The following BBS9 variants were observed in gnomAD, a reference collection of about 807,000 sequenced individuals.
BBS9 encodes protein PTHB1.
In BBS9, 89 loss-of-function variants were observed where a neutral mutation model predicts 117.7. The observed-to-expected ratio is 0.76, with a 90% CI of 0.64 to 0.90. The LOEUF is 0.90. Among genes scored for constraint, BBS9 ranks in the 40% least tolerant of loss-of-function variants. The probability of loss-of-function intolerance (pLI) is 0.00; values close to 1 mark genes in which losing one functional copy is unlikely to be tolerated. For synonymous variants in BBS9, 379 were observed against 370.9 expected (o/e 1.02, Z -0.25); for missense variants, 982 against 1,042.2 (o/e 0.94, Z 0.80).
intron 5 of BBS9, among the ~76,000 whole-genome samples, chr7:33,217,333 T>G (rs1386279620): frequency 6.6e-6 from 1 of 152,176 alleles, no homozygotes; most frequent in Non-Finnish European, 1.5e-5. Flanking sequence ...TATTAATCAT[T>G]TGCTATAGCA....
intron 5 of BBS9, among the ~76,000 whole-genome samples, chr7:33,248,771 G>A (rs1291552519): frequency 6.6e-6 from 1 of 152,122 alleles, no homozygotes; most frequent in Non-Finnish European, 1.5e-5. Flanking sequence ...TGAACAAAAT[G>A]AGCGGAAGTT....
intron 21 of BBS9, among the ~76,000 whole-genome samples, chr7:33,622,744 T>C (rs1210422419): frequency 6.6e-6 from 1 of 152,176 alleles, no homozygotes; most frequent in Non-Finnish European, 1.5e-5. Flanking sequence ...GATATACTAA[T>C]AGACCAATGC....
intron 1 of BBS9, among the ~76,000 whole-genome samples, chr7:33,132,220 G>A (rs1312500726): frequency 6.6e-6 from 1 of 152,148 alleles, no homozygotes; most frequent in Non-Finnish European, 1.5e-5. Context: ...TTTGTTTAGG[G>A]TTCTGGAGTA....
At chr7:33,341,267 A>G (rs1014664843) in intron 11 of BBS9, among the ~76,000 whole-genome samples, 1 of 152,110 alleles carries the variant, frequency 6.6e-6, no homozygotes, top group African/African-American at 2.4e-5. Context: ...TTTTTTTCAA[A>G]CTTTCTTAGT....
chr7:33,413,474 G>A (rs150281451), intron 19 of BBS9, among the ~76,000 whole-genome samples: 154 of 152,058 alleles, frequency 1.0e-3, no homozygotes, highest in African/African-American at 3.5e-3. Flanking sequence ...GAGTTGATGC[G>A]GCATAGAAAA....
At chr7:33,169,549 C>G (rs912744522) in intron 4 of BBS9, among the ~76,000 whole-genome samples, 4 of 149,766 alleles carry the variant, frequency 2.7e-5, no homozygotes, top group Admixed American at 6.6e-5. Flanking sequence ...ATTTGCATTT[C>G]TCTGATGGCC....
chr7:33,603,352 A>G (rs1228847701), intron 21 of BBS9, among the ~76,000 whole-genome samples: 1 of 152,012 alleles, frequency 6.6e-6, no homozygotes, highest in East Asian at 1.9e-4. Context: ...CCACCACCGC[A>G]TATACCCTTT....
chr7:33,325,813 C>A (rs1421880500), intron 9 of BBS9, among the ~76,000 whole-genome samples: 1 of 152,128 alleles, frequency 6.6e-6, no homozygotes. Flanking sequence ...CTCTTGCTTT[C>A]TTCCCTTACC....
At chr7:33,535,110 A>G (rs1851174896) in intron 21 of BBS9, among the ~76,000 whole-genome samples, 1 of 152,242 alleles carries the variant, frequency 6.6e-6, no homozygotes, top group Admixed American at 6.5e-5. Flanking sequence ...TGGAGACAGC[A>G]TAGCATGATC....
At chr7:33,587,773 G>A (rs1861176985) in intron 21 of BBS9, among the ~76,000 whole-genome samples, 1 of 152,028 alleles carries the variant, frequency 6.6e-6, no homozygotes, top group Non-Finnish European at 1.5e-5. Context: ...ACCTTCTCTG[G>A]AATTAGAGAT....
intron 19 of BBS9, 105 bp from the exon 20 acceptor site, chr7:33,505,358 G>A: frequency 9.3e-7 from 1 of 1,071,308 alleles, no homozygotes. Flanking sequence ...GGAAGACAAA[G>A]TTCATCAAGT....
chr7:33,354,828 T>C (rs1819336292), intron 15 of BBS9, among the ~76,000 whole-genome samples: 1 of 152,020 alleles, frequency 6.6e-6, no homozygotes, highest in Non-Finnish European at 1.5e-5. Flanking sequence ...GTTAAATAAT[T>C]TTGTGATTAA....
chr7:33,231,097 T>C (rs1001513539), intron 5 of BBS9, among the ~76,000 whole-genome samples: 4 of 152,176 alleles, frequency 2.6e-5, no homozygotes, highest in Non-Finnish European at 5.9e-5. Flanking sequence ...CTTTTATCCA[T>C]TTTGGATTGA....
At chr7:33,276,447 C>T (rs1465261594) in intron 9 of BBS9, among the ~76,000 whole-genome samples, 1 of 152,070 alleles carries the variant, frequency 6.6e-6, no homozygotes, top group African/African-American at 2.4e-5. Context: ...CAAAAAAGGC[C>T]GTGGACCATG....
chr7:33,421,336 A>G (rs1341546673), intron 19 of BBS9, among the ~76,000 whole-genome samples: 1 of 152,140 alleles, frequency 6.6e-6, no homozygotes, highest in Non-Finnish European at 1.5e-5. Context: ...CAAAACATAC[A>G]CCATTTAAAA....
chr7:33,311,126 C>A (rs1023483853), intron 9 of BBS9, among the ~76,000 whole-genome samples: 4 of 152,102 alleles, frequency 2.6e-5, no homozygotes, highest in African/African-American at 9.7e-5. Context: ...AGACAAAGAT[C>A]CTTTCTAAGA....
At chr7:33,349,842 G>A (rs527776061) in intron 13 of BBS9, among the ~76,000 whole-genome samples, 1 of 152,274 alleles carries the variant, frequency 6.6e-6, no homozygotes, top group South Asian at 2.1e-4. Context: ...AGTTTGGCCT[G>A]AGTTTGAATC....
chr7:33,589,173 T>G (rs774911325), intron 21 of BBS9, among the ~76,000 whole-genome samples: 2 of 152,196 alleles, frequency 1.3e-5, no homozygotes. Flanking sequence ...AGACTCCCAG[T>G]GGTTGCCTGA....
chr7:33,630,310 GA>G (rs1865826818), intron 21 of BBS9, among the ~76,000 whole-genome samples: 1 of 151,954 alleles, frequency 6.6e-6, no homozygotes, highest in Non-Finnish European at 1.5e-5. Flanking sequence ...AATGAGGTGC[GA>G]AAAGCATGTA....
Sources: gnomAD v4.1 joint callset for allele counts (sites outside exome capture counted in the v4.1 genomes callset) on GRCh38, gnomAD v4.1.1 for gene constraint, MANE v1.5 for transcripts, NCBI Gene and HGNC (gene_info 2026-07-23, HGNC 2026-07-21) for gene names.